Variants in PDCD5 observed in about 807,000 individuals in gnomAD.
PDCD5 encodes the protein programmed cell death protein 5.
In PDCD5, 23 loss-of-function variants were observed where a neutral mutation model predicts 21.9. That is an observed-to-expected ratio of 1.05 (90% CI 0.76 to 1.49). PDCD5 has a LOEUF of 1.49. Among genes scored for constraint, PDCD5 ranks in the 40% most tolerant of loss-of-function variants. The pLI is 0.00. For missense variants in PDCD5, 152 were observed against 147.7 expected (o/e 1.03, Z -0.15); for synonymous variants, 45 against 49.4 (o/e 0.91, Z 0.37).
chr19:32,587,166 T>C, intron 5 of PDCD5, 87 bp from the exon 6 acceptor site: 1 of 1,103,392 alleles, frequency 9.1e-7, no homozygotes, highest in Non-Finnish European at 1.4e-6. Flanking sequence ...ACAAATGTCT[T>C]GCTAAAATTG....
chr19:32,581,425 C>T (rs976317938), intron 1 of PDCD5, 98 bp downstream of exon 1: 9 of 719,998 alleles, frequency 1.3e-5, no homozygotes, highest in East Asian at 7.1e-5. Flanking sequence ...TGGGCGCCTC[C>T]CCGGGGCCCC....
chr19:32,584,589 G>A (rs1446756653), intron 2 of PDCD5, among the ~76,000 whole-genome samples: 1 of 152,104 alleles, frequency 6.6e-6, no homozygotes, highest in African/African-American at 2.4e-5. Context: ...ATATAGATTA[G>A]TCACATGGTC....
At chr19:32,582,167 C>T (rs1196284367) in intron 1 of PDCD5, 28 bp from the exon 2 acceptor site, 9 of 1,580,750 alleles carry the variant, frequency 5.7e-6, no homozygotes, top group Non-Finnish European at 7.8e-6. Flanking sequence ...TGAAATTTCT[C>T]TATTAAATTT....
Position 32,587,377 on chromosome 19 carries a change from T to A in PDCD5, c.*77T>A, listed in dbSNP as rs1842934707. On this transcript the variant is annotated 3_prime_UTR_variant, in exon 6 of 6. Transcript: ENST00000590247. ...TTAAGATCTGATTATTTACTTTGTTTATTGTCTATATGCCTTTTAAAAAAA... is the reference window on the plus strand; with the variant it reads ...TTAAGATCTGATTATTTACTTTGTTAATTGTCTATATGCCTTTTAAAAAAA... 2.1e-6 allele frequency: 2 copies of A among 971,582 alleles called. No homozygotes were observed. Among genetic ancestry groups the A allele is most frequent in the African/African-American group, 3.3e-5 (2 of 60,990 alleles). The allele number at this position is 971,582 out of a possible 1,614,324, so 60.2% of individuals were successfully genotyped here.
At chr19:32,583,081 G>T (rs577942118) in intron 2 of PDCD5, among the ~76,000 whole-genome samples, 1 of 152,312 alleles carries the variant, frequency 6.6e-6, no homozygotes, top group Non-Finnish European at 1.5e-5. Context: ...GATTCTTCCA[G>T]AGGGGATTTA....
At chr19:32,582,076 T>C in intron 1 of PDCD5, 119 bp from the exon 2 acceptor site, 4 of 708,600 alleles carry the variant, frequency 5.6e-6, no homozygotes, top group Non-Finnish European at 5.0e-6. Flanking sequence ...AGTTTCTTAT[T>C]TGGGGAGTTG....
At chr19:32,584,703 G>C (rs968038259) in intron 2 of PDCD5, among the ~76,000 whole-genome samples, 1 of 152,216 alleles carries the variant, frequency 6.6e-6, no homozygotes, top group Non-Finnish European at 1.5e-5. Context: ...CCACTCTGAT[G>C]AAACTGTAAA....
intron 4 of PDCD5, 170 bp from the exon 5 acceptor site, chr19:32,586,688 G>C: frequency 7.6e-7 from 1 of 1,314,288 alleles, no homozygotes; most frequent in Non-Finnish European, 9.7e-7. Flanking sequence ...ATTTTATTTG[G>C]AACTTAAACC....
chr19:32,581,497 C>T (rs1971425336), intron 1 of PDCD5, 170 bp downstream of exon 1: 1 of 390,622 alleles, frequency 2.6e-6, no homozygotes, highest in East Asian at 4.0e-5. Context: ...TCGCTTTCCT[C>T]GTCGCGAGGG....
rs1442291259 is a variant in PDCD5, at chr19:32,587,239, A to G, written c.331-14A>G. 2 of 1,574,294 alleles carry G rather than the reference A, an allele frequency of 1.3e-6. No individual in the cohort carries two copies. The highest frequency in any genetic ancestry group is 3.4e-5 in the Admixed American group (2 of 58,904). On this transcript the variant is annotated splice_polypyrimidine_tract_variant and intron_variant, in intron 5 of 5. Coordinates refer to ENST00000590247, the MANE Select transcript of PDCD5 (RefSeq NM_004708.4). Reference sequence around the variant, plus strand: ...ATTAGAAATGTTCTGACACTCATTTAATTTTCCTCCCAGTTCAACAGAAGA... The same window carrying G: ...ATTAGAAATGTTCTGACACTCATTTGATTTTCCTCCCAGTTCAACAGAAGA...
rs539741626 is a variant in PDCD5, at chr19:32,587,276, C to T, written c.354C>T (p.Asp118=). 19 of 1,607,348 alleles carry T rather than the reference C, an allele frequency of 1.2e-5. No individual in the cohort carries two copies. The African/African-American group carries it at 2.1e-4, about 18-fold the overall frequency. ...TVKFNRRKVM[D]SDEDDDY ...AGTTCAACAGAAGAAAAGTAATGGA[C>T]TCTGATGAAGATGACGATTATTGAA... Residue 118 remains aspartate, a synonymous_variant, in exon 6 of 6, where the codon GAC becomes GAT. Coordinates refer to ENST00000590247, the MANE Select transcript of PDCD5 (RefSeq NM_004708.4).
At chr19:32,581,815 C>T (rs971349329) in intron 1 of PDCD5, 2 of 250,524 alleles carry the variant, frequency 8.0e-6, no homozygotes, top group African/African-American at 4.6e-5. Context: ...GATCACACGC[C>T]CGGAGAGGCG....
chr19:32,581,408 G>C (rs71351177), intron 1 of PDCD5, 81 bp downstream of exon 1: 23,939 of 998,704 alleles, frequency 0.024, 332 homozygotes, highest in Non-Finnish European at 0.027. Context: ...CTCCGGGGCG[G>C]AGGCTCTGGG....
Position 32,584,995 on chromosome 19 carries a change from G to A in PDCD5, c.150G>A (p.Gln50=), listed in dbSNP as rs1335676782. 3.7e-6 allele frequency: 6 copies of A among 1,613,894 alleles called. No individual in the cohort carries two copies. Among genetic ancestry groups the A allele is most frequent in the East Asian group, 4.5e-5 (2 of 44,886 alleles). ...GTATCTTAGCCCAAGTTCTGGATCA[G>A]TCGGCCCGGGCCAGGTGTAAGCATC... ...RNSILAQVLD[Q]SARARLSNLA... is the part of the protein sequence containing the mutation. The change falls in exon 3 of 6, where the codon CAG becomes CAA. Residue 50 remains glutamine, a synonymous_variant. Transcript: ENST00000590247.
In PDCD5 at chr19:32,586,869, A is replaced by G. The variant is rs914318482; in HGVS notation, c.270A>G (p.Gln90=). 1.9e-6 allele frequency: 3 copies of G among 1,609,894 alleles called. No individual in the cohort carries two copies. Among genetic ancestry groups the G allele is most frequent in the Admixed American group, 1.7e-5 (1 of 58,936 alleles). ...YGQLSEKVSE[Q]GLIEILKKVS... ...TCTGGTTCTCCTAGGTATCAGAACA[A>G]GGTTTAATAGAAATCCTTAAAAAAG... The change falls in exon 5 of 6, where the codon CAA becomes CAG. Residue 90 remains glutamine, a synonymous_variant. Transcript: ENST00000590247.
chr19:32,585,930 A>C (rs1246647886), intron 4 of PDCD5, 23 bp downstream of exon 4: 1 of 1,613,892 alleles, frequency 6.2e-7, no homozygotes, highest in Non-Finnish European at 8.5e-7. Context: ...AGCCTTGAGG[A>C]ACTTTACTGT....
At chr19:32,586,520 T>C in intron 4 of PDCD5, 1 of 1,110,904 alleles carries the variant, frequency 9.0e-7, no homozygotes, top group Middle Eastern at 4.0e-4. Context: ...GCAGAAGTGG[T>C]GTGTCTATTC....
At chr19:32,586,134 G>T (rs1344847456) in intron 4 of PDCD5, 2 of 1,499,922 alleles carry the variant, frequency 1.3e-6, no homozygotes, top group Non-Finnish European at 1.8e-6. Flanking sequence ...TGGTGTCTGT[G>T]ACCCAATGAC....
At chr19:32,587,139 T>A in intron 5 of PDCD5, 114 bp from the exon 6 acceptor site, 2 of 909,972 alleles carry the variant, frequency 2.2e-6, no homozygotes, top group South Asian at 3.0e-5. Flanking sequence ...TAGTTCACGC[T>A]AAGTTGCTTT....
Sources: gnomAD v4.1 joint callset for allele counts (sites outside exome capture counted in the v4.1 genomes callset) on GRCh38, gnomAD v4.1.1 for gene constraint, MANE v1.5 for transcripts, NCBI Gene and HGNC (gene_info 2026-07-23, HGNC 2026-07-21) for gene names.